FANCC: variants seen among roughly 807,000 people sequenced by gnomAD.
FANCC encodes the protein Fanconi anemia group C protein.
In FANCC, 55 loss-of-function variants were observed where a neutral mutation model predicts 71.3. The ratio of observed to expected loss-of-function variants is 0.77; its 90% CI spans 0.62 to 0.97. The LOEUF is 0.97. FANCC is among the 50% of genes least tolerant of loss of function. The pLI is 0.00. For missense variants in FANCC, 678 were observed against 670.9 expected (o/e 1.01, Z -0.12); for synonymous variants, 275 against 244.9 (o/e 1.12, Z -1.15).
intron 4 of FANCC, among the ~76,000 whole-genome samples, chr9:95,228,586 T>C (rs1220247087): frequency 7.2e-5 from 11 of 152,216 alleles, no homozygotes; most frequent in Admixed American, 7.2e-4. Flanking sequence ...ATGGAACATG[T>C]AACTTAGTTG....
chr9:95,297,873 A>G (rs1253858525), intron 1 of FANCC, among the ~76,000 whole-genome samples: 2 of 152,248 alleles, frequency 1.3e-5, no homozygotes, highest in East Asian at 1.9e-4. Flanking sequence ...ACTTCTGGCT[A>G]TAAAAGTACA....
rs537510501 is a variant in FANCC, at chr9:95,137,591, T to C, written c.687-2089A>G. On this transcript the variant is annotated intron_variant, in intron 7 of 14. Coordinates refer to ENST00000289081, the MANE Select transcript of FANCC (RefSeq NM_000136.3). ...AAGAGAAGAAATGATTTCTGGAGGA[T>C]TTACTAAGAGATCAGTTTGAGGTGT... Among the ~76,000 whole-genome samples, 3 of 152,254 alleles carry C rather than the reference T, an allele frequency of 2.0e-5. No homozygotes were observed. In the South Asian group the frequency reaches 6.2e-4, roughly 32 times the overall value.
At chr9:95,292,026 C>CA (rs1173374871) in intron 1 of FANCC, among the ~76,000 whole-genome samples, 3 of 129,522 alleles carry the variant, frequency 2.3e-5, no homozygotes, top group Non-Finnish European at 4.9e-5. Context: ...AATCTTGCGT[C>CA]AAAAAAACAA....
At chr9:95,316,907 G>A (rs972438356) in intron 1 of FANCC, 6 of 152,282 alleles carry the variant, frequency 3.9e-5, no homozygotes, top group Non-Finnish European at 8.8e-5. Flanking sequence ...ACTGGCCTCT[G>A]CGAACCCGCC....
chr9:95,108,536 C>T (rs1295840662), intron 13 of FANCC, among the ~76,000 whole-genome samples: 1 of 152,250 alleles, frequency 6.6e-6, no homozygotes, highest in Non-Finnish European at 1.5e-5. Flanking sequence ...TCTTTCCCTT[C>T]AGAGGCCGTC....
chr9:95,119,550 G>A (rs1414722190), intron 10 of FANCC, among the ~76,000 whole-genome samples: 2 of 151,950 alleles, frequency 1.3e-5, no homozygotes, highest in African/African-American at 4.8e-5. Flanking sequence ...ATTTTTAGTA[G>A]AGACGGGGTT....
At chr9:95,128,456 G>T (rs1013893327) in intron 8 of FANCC, among the ~76,000 whole-genome samples, 3 of 152,172 alleles carry the variant, frequency 2.0e-5, no homozygotes, top group Non-Finnish European at 2.9e-5. Context: ...TTTCTAAATG[G>T]TCAAACTATC....
At chr9:95,149,829 T>C (rs924416803) in intron 7 of FANCC, 94 bp downstream of exon 7, 3 of 1,404,212 alleles carry the variant, frequency 2.1e-6, no homozygotes, top group Middle Eastern at 2.4e-4. Flanking sequence ...ACAAAAACGT[T>C]TGGACACTGC....
intron 12 of FANCC, 42 bp downstream of exon 12, chr9:95,114,587 C>T: frequency 6.5e-7 from 1 of 1,546,786 alleles, no homozygotes; most frequent in South Asian, 1.1e-5. Context: ...TCTAGGGAAA[C>T]CATGTGTGAA....
chr9:95,164,998 CATT>C (rs1830982346), intron 6 of FANCC, among the ~76,000 whole-genome samples: 1 of 151,980 alleles, frequency 6.6e-6, no homozygotes, highest in South Asian at 2.1e-4. Context: ...TTTATTTCTT[CATT>C]ATTCAGTCGT....
At chr9:95,234,960 A>C (rs1242668617) in intron 4 of FANCC, among the ~76,000 whole-genome samples, 1 of 152,204 alleles carries the variant, frequency 6.6e-6, no homozygotes, top group African/African-American at 2.4e-5. Flanking sequence ...CACTGACTGG[A>C]TAGGGCCCAC....
chr9:95,262,456 TA>T (rs1234753722), intron 1 of FANCC, among the ~76,000 whole-genome samples: 18 of 152,190 alleles, frequency 1.2e-4, no homozygotes, highest in Non-Finnish European at 2.1e-4. Context: ...GAACGGCTAC[TA>T]TCAAGAAAAC....
At chr9:95,255,230 G>C (rs1019952135) in intron 1 of FANCC, among the ~76,000 whole-genome samples, 31 of 152,284 alleles carry the variant, frequency 2.0e-4, no homozygotes, top group African/African-American at 7.5e-4. Context: ...GCCTCCTCAA[G>C]TGGGTCCCTG....
chr9:95,309,007 G>C (rs1286569946), intron 1 of FANCC, among the ~76,000 whole-genome samples: 1 of 151,704 alleles, frequency 6.6e-6, no homozygotes, highest in African/African-American at 2.4e-5. Flanking sequence ...GATGCATCTC[G>C]AAAAAAGAAA....
chr9:95,209,887 T>C (rs1261842274), intron 4 of FANCC, among the ~76,000 whole-genome samples: 2 of 152,144 alleles, frequency 1.3e-5, no homozygotes, highest in Non-Finnish European at 2.9e-5. Context: ...ACCTGAAATA[T>C]CTGCATCCAG....
At chr9:95,214,129 G>GAA (rs1042539418) in intron 4 of FANCC, among the ~76,000 whole-genome samples, 1 of 152,118 alleles carries the variant, frequency 6.6e-6, no homozygotes. Flanking sequence ...TAGCTACTAT[G>GAA]AAAAAAACAG....
chr9:95,179,401 C>T (rs1826205479), intron 4 of FANCC, among the ~76,000 whole-genome samples: 1 of 152,240 alleles, frequency 6.6e-6, no homozygotes, highest in Admixed American at 6.5e-5. Flanking sequence ...GGCTGGCGTG[C>T]AATGGCACAA....
At chr9:95,141,933 T>C (rs1828762033) in intron 7 of FANCC, among the ~76,000 whole-genome samples, 1 of 149,790 alleles carries the variant, frequency 6.7e-6, no homozygotes, top group Non-Finnish European at 1.5e-5. Context: ...TCAAAAATAA[T>C]ACAATTACTA....
chr9:95,136,545 G>T (rs1184563880), intron 7 of FANCC, among the ~76,000 whole-genome samples: 1 of 151,850 alleles, frequency 6.6e-6, no homozygotes, highest in Non-Finnish European at 1.5e-5. Context: ...AGAGTGCAAT[G>T]GTGTGATCAA....
Sources: allele counts gnomAD v4.1 joint callset (sites outside exome capture counted in the v4.1 genomes callset), GRCh38; gene constraint gnomAD v4.1.1; transcripts MANE v1.5; gene names NCBI Gene and HGNC (gene_info 2026-07-23, HGNC 2026-07-21).